RPL17: variants seen among roughly 807,000 people sequenced by gnomAD.
RPL17 encodes ribosomal protein L17.
RPL17 carries 2 observed loss-of-function variants against 27.7 expected under a neutral mutation model. The observed-to-expected ratio is 0.07, with a 90% CI of 0.03 to 0.23. The LOEUF (loss-of-function observed/expected upper bound fraction) is 0.23, where lower values mean the gene tolerates loss of function less well. Ranked by LOEUF, RPL17 falls within the 10% of genes least tolerant of loss-of-function variation. RPL17 has a pLI of 1.00. For missense variants in RPL17, 141 were observed against 238.8 expected (o/e 0.59, Z 2.70); for synonymous variants, 76 against 75.5 (o/e 1.01, Z -0.03).
intron 3 of RPL17, 58 bp downstream of exon 3, chr18:49,491,347 G>A: frequency 6.2e-7 from 1 of 1,612,540 alleles, no homozygotes; most frequent in South Asian, 1.1e-5. Flanking sequence ...CATCACTGCA[G>A]CTACCTTTTT....
chr18:49,490,571 G>C lies in RPL17; in HGVS notation c.217-19C>G, dbSNP rs764522739. The C allele has an allele frequency of 6.2e-7, 1 of 1,613,500 alleles. No individual in the cohort carries two copies. Among genetic ancestry groups the C allele is most frequent in the East Asian group, 2.2e-5 (1 of 44,874 alleles). The stretch of plus-strand genomic sequence containing the variant: ...GCTTGGCCTGAAAGAAAATGGAGAT[G>C]ATGAGTCATTTTCCTTGATTTAAAT... On this transcript the variant is annotated intron_variant, in intron 4 of 6. Coordinates refer to ENST00000580261, the MANE Select transcript of RPL17 (RefSeq NM_001035006.5).
chr18:49,491,000 A>G (rs1273232886), intron 3 of RPL17, 73 bp from the exon 4 acceptor site: 9 of 1,590,242 alleles, frequency 5.7e-6, no homozygotes, highest in African/African-American at 2.7e-5. Context: ...TAAATTTTCA[A>G]TTTTCAGCTT....
intron 1 of RPL17, chr18:49,491,869 C>T: frequency 1.8e-6 from 1 of 546,226 alleles, no homozygotes; most frequent in Non-Finnish European, 3.4e-6. Flanking sequence ...CAATCCAATG[C>T]TGGATCTTCC....
At chr18:49,490,422 C>T in intron 5 of RPL17, 32 bp downstream of exon 5, 2 of 1,606,566 alleles carry the variant, frequency 1.2e-6, no homozygotes, top group Non-Finnish European at 8.5e-7. Flanking sequence ...AACAACCACC[C>T]AAGTTGCACA....
At chr18:49,491,732 A>T (rs1370191476) in intron 1 of RPL17, 148 bp from the exon 2 acceptor site, 1 of 1,042,984 alleles carries the variant, frequency 9.6e-7, no homozygotes, top group East Asian at 2.4e-5. Context: ...CATCGCAGCC[A>T]TACTTTCCCC....
intron 1 of RPL17, 135 bp from the exon 2 acceptor site, chr18:49,491,719 C>T (rs760970381): frequency 8.7e-7 from 1 of 1,151,508 alleles, no homozygotes; most frequent in Non-Finnish European, 1.3e-6. Context: ...TAAGAAATGC[C>T]ATCATCGCAG....
intron 1 of RPL17, 24 bp from the exon 2 acceptor site, chr18:49,491,608 C>T (rs964317866): frequency 6.2e-7 from 1 of 1,613,056 alleles, no homozygotes. Flanking sequence ...CAGTGTAATT[C>T]TGTCAATACG....
chr18:49,491,097 T>C (rs2084038390), intron 3 of RPL17, 170 bp from the exon 4 acceptor site: 4 of 1,100,378 alleles, frequency 3.6e-6, no homozygotes, highest in Middle Eastern at 2.6e-4. Flanking sequence ...TCGTTGAAGC[T>C]AGAGAAAACT....
chr18:49,489,774 C>A (rs1383865352), intron 5 of RPL17, among the ~76,000 whole-genome samples: 1 of 152,162 alleles, frequency 6.6e-6, no homozygotes, highest in East Asian at 1.9e-4. Flanking sequence ...GTGTGCTATA[C>A]ATTTTGTCTA....
At chr18:49,489,704 G>A (rs773830150) in intron 5 of RPL17, among the ~76,000 whole-genome samples, 154 bp from the exon 6 acceptor site, 2 of 152,190 alleles carry the variant, frequency 1.3e-5, no homozygotes, top group African/African-American at 4.8e-5. Flanking sequence ...TCTGCAAATA[G>A]CATTTTTTTA....
At chr18:49,490,983 T>G in intron 3 of RPL17, 56 bp from the exon 4 acceptor site, 1 of 1,553,892 alleles carries the variant, frequency 6.4e-7, no homozygotes, top group Admixed American at 1.8e-5. Flanking sequence ...ATTTTTAAAG[T>G]AAACGTTAAA....
chr18:49,491,853 C>G, intron 1 of RPL17: 1 of 617,386 alleles, frequency 1.6e-6, no homozygotes, highest in Non-Finnish European at 3.0e-6. Context: ...AAAATACAGC[C>G]TGTTTCAATC....
At chr18:49,489,772 T>C (rs1017957692) in intron 5 of RPL17, among the ~76,000 whole-genome samples, 1 of 152,204 alleles carries the variant, frequency 6.6e-6, no homozygotes, top group Admixed American at 6.5e-5. Flanking sequence ...CAGTGTGCTA[T>C]ACATTTTGTC....
intron 5 of RPL17, among the ~76,000 whole-genome samples, chr18:49,490,058 C>A (rs2083941040): frequency 6.6e-6 from 1 of 152,190 alleles, no homozygotes; most frequent in African/African-American, 2.4e-5. Context: ...TGCAACATGA[C>A]TCTCCATTAT....
At chr18:49,490,347 C>A in intron 5 of RPL17, 107 bp downstream of exon 5, 3 of 1,138,276 alleles carry the variant, frequency 2.6e-6, no homozygotes, top group African/African-American at 2.2e-5. Context: ...TTTAAAAAAT[C>A]CTAAGAGTTA....
intron 3 of RPL17, 22 bp from the exon 4 acceptor site, chr18:49,490,949 T>C (rs2084026987): frequency 6.2e-7 from 1 of 1,612,764 alleles, no homozygotes; most frequent in African/African-American, 1.3e-5. Flanking sequence ...GAATAAAGTG[T>C]TGGTTAACTA....
chr18:49,489,296 G>A, intron 6 of RPL17, 63 bp downstream of exon 6: 1 of 1,564,160 alleles, frequency 6.4e-7, no homozygotes. Flanking sequence ...TCCTAAGATA[G>A]TCATCACAGC....
intron 1 of RPL17, chr18:49,491,924 T>C: frequency 2.4e-6 from 1 of 416,316 alleles, no homozygotes; most frequent in Non-Finnish European, 4.6e-6. Context: ...AACTCAACCG[T>C]AACCCTCTAC....
In RPL17 at chr18:49,490,807, C is replaced by T. The variant is rs775723488; in HGVS notation, c.202G>A (p.Gly68Ser). 1.9e-6 allele frequency: 3 copies of T among 1,612,930 alleles called. No homozygotes were observed. Among genetic ancestry groups the T allele is most frequent in the Non-Finnish European group, 2.5e-6 (3 of 1,179,856 alleles). Residue 68 changes from glycine to serine, a missense_variant, in exon 4 of 7, where the codon GGC (glycine) becomes AGC (serine). Physicochemically the swap from Gly to Ser is moderately conservative, Grantham distance 56. Coordinates refer to ENST00000580261, the MANE Select transcript of RPL17 (RefSeq NM_001035006.5). ...AGAATTCTCACCTGCGCACACCTGC[C>T]AACTCCACCATTGTAACGTCGGAAT... ...VPFRRYNGGV[G>S]RCAQAKQWGW...
Sources: gnomAD v4.1 joint callset for allele counts (sites outside exome capture counted in the v4.1 genomes callset) on GRCh38, gnomAD v4.1.1 for gene constraint, MANE v1.5 for transcripts, NCBI Gene and HGNC (gene_info 2026-07-23, HGNC 2026-07-21) for gene names.